The following RPS6KA2 variants were observed in gnomAD, a reference collection of about 807,000 sequenced individuals.
RPS6KA2 encodes the protein ribosomal protein S6 kinase alpha-2.
RPS6KA2 carries 42 observed loss-of-function variants against 91.8 expected under a neutral mutation model. That is an observed-to-expected ratio of 0.46 (90% CI 0.36 to 0.59). RPS6KA2 has a LOEUF of 0.59. Ranked by LOEUF, RPS6KA2 falls within the 20% of genes least tolerant of loss-of-function variation. RPS6KA2 has a pLI of 0.00. For synonymous variants in RPS6KA2, 414 were observed against 393.6 expected (o/e 1.05, Z -0.61); for missense variants, 798 against 978.5 (o/e 0.82, Z 2.46).
chr6:166,639,356 C>A lies in RPS6KA2; in HGVS notation c.124-100572G>T, dbSNP rs1787355409. 6.6e-6 allele frequency among the ~76,000 whole-genome samples: 1 copy of A among 152,164 alleles called. No individual in the cohort carries two copies. Among genetic ancestry groups the A allele is most frequent in the Non-Finnish European group, 1.5e-5 (1 of 68,036 alleles). On this transcript the variant is annotated intron_variant, in intron 2 of 21. Coordinates refer to the RPS6KA2 transcript ENST00000503859. This position sits in a 1 kb window ranked among gnomAD's most constrained non-coding sequence, Gnocchi z 4.2. ...CCTTCTACATGTTTTCCCCGTCTTG[C>A]CTTCTTTCCAACCCTGCCCTCCATA...
At chr6:166,453,521 T>A (rs977885683) in intron 12 of RPS6KA2, among the ~76,000 whole-genome samples, 1 of 152,170 alleles carries the variant, frequency 6.6e-6, no homozygotes, top group African/African-American at 2.4e-5. Flanking sequence ...CACAATGAGA[T>A]ATCACCTTAC....
At chr6:166,532,457 A>G (rs1783315790) in intron 2 of RPS6KA2, among the ~76,000 whole-genome samples, 1 of 152,206 alleles carries the variant, frequency 6.6e-6, no homozygotes, top group African/African-American at 2.4e-5. Flanking sequence ...GGGAAGACGC[A>G]AGGTCCCAGC....
chr6:166,636,120 C>T lies in RPS6KA2; in HGVS notation c.124-97336G>A, dbSNP rs118004228. 9.8e-3 allele frequency among the ~76,000 whole-genome samples: 1,490 copies of T among 152,098 alleles called. 24 individuals are homozygous for T. The highest frequency in any genetic ancestry group is 0.062 in the South Asian group (298 of 4,818). ...GGGTCTCACCACCTACCGCCCATCC[C>T]GCCCTGCCCCACCCTGCTCCTGGGC... On this transcript the variant is annotated intron_variant, in intron 2 of 21. Coordinates refer to the RPS6KA2 transcript ENST00000503859.
intron 2 of RPS6KA2, among the ~76,000 whole-genome samples, chr6:166,709,973 A>G (rs1048926491): frequency 6.6e-6 from 1 of 152,220 alleles, no homozygotes; most frequent in African/African-American, 2.4e-5. Flanking sequence ...GTTTTCATGT[A>G]CGCCATATTC....
intron 10 of RPS6KA2, 69 bp from the exon 11 acceptor site, chr6:166,469,974 G>T: frequency 7.3e-7 from 1 of 1,372,946 alleles, no homozygotes; most frequent in Non-Finnish European, 1.0e-6. Context: ...TTCCAATGCA[G>T]CAGTGTGGAG....
At chr6:166,738,962 T>C (rs1337855964) in intron 2 of RPS6KA2, among the ~76,000 whole-genome samples, 1 of 152,104 alleles carries the variant, frequency 6.6e-6, no homozygotes, top group African/African-American at 2.4e-5. Flanking sequence ...GCAAGATGAG[T>C]GCTCCTGAAA....
At chr6:166,838,514 A>C (rs1780377550) in intron 2 of RPS6KA2, among the ~76,000 whole-genome samples, 2 of 152,248 alleles carry the variant, frequency 1.3e-5, no homozygotes, top group Non-Finnish European at 2.9e-5. Flanking sequence ...AAAATCAAAA[A>C]AAGTTTATCT....
intron 1 of RPS6KA2, among the ~76,000 whole-genome samples, chr6:166,594,860 T>C (rs1023756318): frequency 5.9e-5 from 9 of 152,100 alleles, no homozygotes; most frequent in African/African-American, 2.2e-4. Flanking sequence ...TTCCATCCAG[T>C]ATTTACTGAG....
chr6:166,435,679 G>A lies in RPS6KA2; in HGVS notation c.1333-3189C>T, dbSNP rs955962778. ...TTTCTCACCACAGGGTAGAGCCAGCGGTCTTTCAGCAAACATCTGGTTTGC... is the reference window on the plus strand; with the variant it reads ...TTTCTCACCACAGGGTAGAGCCAGCAGTCTTTCAGCAAACATCTGGTTTGC... On this transcript the variant is annotated intron_variant, in intron 14 of 20. Transcript: ENST00000265678. This position sits in a 1 kb window ranked among gnomAD's most constrained non-coding sequence, Gnocchi z 4.3. 3.3e-5 allele frequency among the ~76,000 whole-genome samples: 5 copies of A among 152,244 alleles called. No individual in the cohort carries two copies. Among genetic ancestry groups the A allele is most frequent in the Non-Finnish European group, 7.3e-5 (5 of 68,040 alleles).
At chr6:166,845,197 C>T (rs1780576797) in intron 2 of RPS6KA2, among the ~76,000 whole-genome samples, 1 of 152,138 alleles carries the variant, frequency 6.6e-6, no homozygotes. Flanking sequence ...AACATTGGAG[C>T]TCCCAAGTTT....
At position 166,780,560 on chromosome 6, in the gene RPS6KA2, C is replaced by T. The variant is rs539543615; in HGVS notation, c.123+77640G>A. Among the ~76,000 whole-genome samples the T allele has an allele frequency of 2.6e-5, 4 of 152,210 alleles. No homozygotes were observed. In the South Asian group the frequency reaches 8.3e-4, roughly 32 times the overall value. ...CTTGTTACGGCAGCTCTGGCAAATG[C>T]GTATACCACAGAAGCCAGAGGTTCC... On this transcript the variant is annotated intron_variant, in intron 2 of 21. Transcript: ENST00000503859.
Position 166,737,413 on chromosome 6 carries a change from A to G in RPS6KA2, c.123+120787T>C, listed in dbSNP as rs1790698023. 6.6e-6 allele frequency among the ~76,000 whole-genome samples: 1 copy of G among 152,210 alleles called. No individual in the cohort carries two copies. Among genetic ancestry groups the G allele is most frequent in the Non-Finnish European group, 1.5e-5 (1 of 68,036 alleles). On this transcript the variant is annotated intron_variant, in intron 2 of 21. Coordinates refer to the RPS6KA2 transcript ENST00000503859. This position sits in a 1 kb window ranked among gnomAD's most constrained non-coding sequence, Gnocchi z 4.3. ...AATTGTCTCCCTTAGATTTGTAGGC[A>G]TGCATAGCCAGACACCTCGAGAAAT...
intron 2 of RPS6KA2, among the ~76,000 whole-genome samples, chr6:166,697,012 T>C (rs1219096918): frequency 6.6e-6 from 1 of 152,158 alleles, no homozygotes; most frequent in East Asian, 1.9e-4. Context: ...GCCTCCATAG[T>C]TGTACGAACC....
Position 166,435,825 on chromosome 6 carries a change from C to T in RPS6KA2, c.1333-3335G>A, listed in dbSNP as rs999528137. 5.3e-5 allele frequency among the ~76,000 whole-genome samples: 8 copies of T among 152,232 alleles called. No homozygotes were observed. The highest frequency in any genetic ancestry group is 1.0e-4 in the Non-Finnish European group (7 of 68,040). On this transcript the variant is annotated intron_variant, in intron 14 of 20. Transcript: ENST00000265678. The surrounding 1 kb of genome is among the most constrained non-coding windows in gnomAD (Gnocchi z 4.3). ...TGTGGGTGTCTGCAGGCTCAGCTCC[C>T]GTGGAGGGCTGGAAAGGTGGAGGAA...
chr6:166,450,432 GGGACCACCACAGGAACCACCATGA>G (rs1222437619), intron 13 of RPS6KA2, among the ~76,000 whole-genome samples: 20 of 149,360 alleles, frequency 1.3e-4, no homozygotes, highest in Admixed American at 5.3e-4. Flanking sequence ...GACCACCATG[GGGACCACCACAGGAACCACCATGA>G]GGACCACCAT....
intron 2 of RPS6KA2, among the ~76,000 whole-genome samples, chr6:166,832,083 T>C (rs1397247799): frequency 1.3e-5 from 2 of 150,052 alleles, no homozygotes; most frequent in Admixed American, 6.6e-5. Flanking sequence ...GATAGATAGA[T>C]ATAGATAATC....
At chr6:166,457,127 T>C (rs1465554435) in intron 12 of RPS6KA2, among the ~76,000 whole-genome samples, 1 of 152,266 alleles carries the variant, frequency 6.6e-6, no homozygotes, top group Non-Finnish European at 1.5e-5. Flanking sequence ...GCCCCACATG[T>C]TGGCACCTCA....
chr6:166,700,637 GA>G (rs1789481757), intron 2 of RPS6KA2, among the ~76,000 whole-genome samples: 1 of 152,138 alleles, frequency 6.6e-6, no homozygotes, highest in Admixed American at 6.6e-5. Context: ...ATAAAACTGA[GA>G]ACAGTTTTTC....
intron 1 of RPS6KA2, among the ~76,000 whole-genome samples, chr6:166,618,888 G>A (rs1265951982): frequency 5.9e-5 from 9 of 152,328 alleles, no homozygotes; most frequent in Non-Finnish European, 1.0e-4. Context: ...AGGTCTAGAC[G>A]CTTACAACCC....
Sources: gnomAD v4.1 joint callset for allele counts (sites outside exome capture counted in the v4.1 genomes callset) on GRCh38, gnomAD v4.1.1 for gene constraint, Gnocchi (gnomAD v3.1) non-coding constraint, MANE v1.5 for transcripts, NCBI Gene and HGNC (gene_info 2026-07-23, HGNC 2026-07-21) for gene names.